The following CCSER1 variants were observed in gnomAD, a reference collection of about 807,000 sequenced individuals.
CCSER1 encodes coiled-coil serine rich protein 1.
Under a neutral mutation model 82.0 loss-of-function variants are expected in CCSER1, and 41 were observed. That is an observed-to-expected ratio of 0.50 (90% CI 0.39 to 0.65). CCSER1 has a LOEUF of 0.65. CCSER1 is among the 30% of genes least tolerant of loss of function. The pLI is 0.00. For missense variants in CCSER1, 1,119 were observed against 1,064.2 expected (o/e 1.05, Z -0.72); for synonymous variants, 414 against 383.9 (o/e 1.08, Z -0.92).
At chr4:90,972,740 C>T (rs1735231837) in intron 9 of CCSER1, among the ~76,000 whole-genome samples, 1 of 151,566 alleles carries the variant, frequency 6.6e-6, no homozygotes, top group African/African-American at 2.4e-5. Flanking sequence ...CTGGAGGCAT[C>T]ACAATTCCTG....
At chr4:90,769,291 G>C (rs111323214) in intron 7 of CCSER1, among the ~76,000 whole-genome samples, 103 of 152,244 alleles carry the variant, frequency 6.8e-4, no homozygotes, top group Non-Finnish European at 1.2e-3. Flanking sequence ...TTAAGTTATA[G>C]ATGCAGAAAC....
chr4:90,208,821 C>T (rs1475578799), intron 1 of CCSER1, among the ~76,000 whole-genome samples: 1 of 152,098 alleles, frequency 6.6e-6, no homozygotes, highest in East Asian at 1.9e-4. Flanking sequence ...AGCTCGCCCT[C>T]CGTGGGCTGC....
chr4:91,208,313 C>A (rs1196762398), intron 10 of CCSER1, among the ~76,000 whole-genome samples: 1 of 151,820 alleles, frequency 6.6e-6, no homozygotes, highest in African/African-American at 2.4e-5. Flanking sequence ...GTTCCTATGT[C>A]CAAAATGGTA....
chr4:90,422,797 C>T (rs1426999009), intron 4 of CCSER1, among the ~76,000 whole-genome samples: 2 of 152,198 alleles, frequency 1.3e-5, no homozygotes, highest in Middle Eastern at 3.4e-3. Context: ...AATGGATATT[C>T]GGGATAAGGT....
chr4:91,311,621 T>C (rs932426757), intron 10 of CCSER1, among the ~76,000 whole-genome samples: 7 of 151,972 alleles, frequency 4.6e-5, no homozygotes, highest in African/African-American at 1.7e-4. Flanking sequence ...CCTTAGTAGC[T>C]GTCTGTATTT....
At chr4:91,593,428 GAAAT>G (rs1490980143) in intron 10 of CCSER1, among the ~76,000 whole-genome samples, 2 of 139,204 alleles carry the variant, frequency 1.4e-5, no homozygotes, top group African/African-American at 5.3e-5. Flanking sequence ...TAATATTAAT[GAAAT>G]AAATATTTTT....
chr4:91,452,026 G>T (rs1031582650), intron 10 of CCSER1, among the ~76,000 whole-genome samples: 1 of 151,918 alleles, frequency 6.6e-6, no homozygotes, highest in Admixed American at 6.6e-5. Flanking sequence ...ATCAGAACAT[G>T]CTCTATATAC....
intron 7 of CCSER1, among the ~76,000 whole-genome samples, chr4:90,797,097 T>C (rs1756142916): frequency 2.0e-5 from 3 of 152,188 alleles, no homozygotes; most frequent in Admixed American, 2.0e-4. Flanking sequence ...AAGTCTCCCA[T>C]GATTATTATG....
At chr4:91,131,939 C>T (rs1728036208) in intron 10 of CCSER1, among the ~76,000 whole-genome samples, 1 of 151,892 alleles carries the variant, frequency 6.6e-6, no homozygotes, top group South Asian at 2.1e-4. Context: ...AATCTCTGAG[C>T]TTATACACCT....
At chr4:91,153,736 C>T (rs1341765844) in intron 10 of CCSER1, among the ~76,000 whole-genome samples, 39 of 151,978 alleles carry the variant, frequency 2.6e-4, no homozygotes, top group Admixed American at 2.6e-3. Flanking sequence ...ACAGTGAAGA[C>T]CGTCAGCTGC....
chr4:90,764,359 C>T (rs183486892), intron 7 of CCSER1, among the ~76,000 whole-genome samples: 1 of 152,240 alleles, frequency 6.6e-6, no homozygotes, highest in African/African-American at 2.4e-5. Context: ...TCCATGAAGC[C>T]ATTCATCTGC....
intron 10 of CCSER1, among the ~76,000 whole-genome samples, chr4:91,281,634 C>T (rs915871643): frequency 6.6e-6 from 1 of 152,090 alleles, no homozygotes; most frequent in African/African-American, 2.4e-5. Context: ...AAATGTAAAG[C>T]CAAGGTCTTC....
intron 9 of CCSER1, among the ~76,000 whole-genome samples, chr4:90,964,437 C>G (rs992819751): frequency 4.0e-5 from 6 of 150,980 alleles, no homozygotes; most frequent in African/African-American, 1.5e-4. Context: ...ATAAAAGCAA[C>G]AAGGATAGGC....
rs574506836 is a variant in CCSER1 at position 91,293,502 on chromosome 4, C to A, written c.2217+207508C>A. Reference sequence around the variant, plus strand: ...AAATGAATAACATGTTATTTGTTTACCACTGCTTTTGTTTCAATTGACATG... The same window carrying A: ...AAATGAATAACATGTTATTTGTTTAACACTGCTTTTGTTTCAATTGACATG... On this transcript the variant is annotated intron_variant, in intron 10 of 10. Coordinates refer to ENST00000509176, the MANE Select transcript of CCSER1 (RefSeq NM_001145065.2). 3.2e-4 allele frequency among the ~76,000 whole-genome samples: 49 copies of A among 151,966 alleles called. No individual in the cohort carries two copies. The South Asian group carries it at 9.8e-3, about 30-fold the overall frequency.
intron 6 of CCSER1, among the ~76,000 whole-genome samples, chr4:90,713,400 G>T (rs1580101880): frequency 1.3e-5 from 2 of 151,946 alleles, no homozygotes; most frequent in Admixed American, 1.3e-4. Flanking sequence ...TTTCACTTAT[G>T]AACCTTAGTT....
chr4:90,469,619 T>C (rs1334315720), intron 5 of CCSER1, among the ~76,000 whole-genome samples: 4 of 151,790 alleles, frequency 2.6e-5, no homozygotes, highest in Non-Finnish European at 2.9e-5. Context: ...GTTAGTATTA[T>C]GTGAAATGAT....
intron 10 of CCSER1, among the ~76,000 whole-genome samples, chr4:91,352,786 A>G (rs576909545): frequency 6.6e-6 from 1 of 152,308 alleles, no homozygotes; most frequent in East Asian, 1.9e-4. Flanking sequence ...ATATATTAAG[A>G]ATCTGCCATG....
intron 10 of CCSER1, among the ~76,000 whole-genome samples, chr4:91,445,337 T>C (rs1755481277): frequency 6.6e-6 from 1 of 152,072 alleles, no homozygotes; most frequent in African/African-American, 2.4e-5. Context: ...AGTTTTTGTA[T>C]TGGGAGATAA....
chr4:90,501,671 A>G (rs1384547519), intron 5 of CCSER1, among the ~76,000 whole-genome samples: 2 of 152,314 alleles, frequency 1.3e-5, no homozygotes, highest in East Asian at 1.9e-4. Flanking sequence ...CCCACTTGTC[A>G]TGTGTTTCTA....
Sources: allele counts gnomAD v4.1 joint callset (sites outside exome capture counted in the v4.1 genomes callset), GRCh38; gene constraint gnomAD v4.1.1; transcripts MANE v1.5; gene names NCBI Gene and HGNC (gene_info 2026-07-23, HGNC 2026-07-21).